DNAJC6: variants seen among roughly 807,000 people sequenced by gnomAD.
DNAJC6 encodes DnaJ heat shock protein family (Hsp40) member C6.
DNAJC6 carries 34 observed loss-of-function variants against 110.0 expected under a neutral mutation model. The observed-to-expected ratio is 0.31, with a 90% CI of 0.24 to 0.41. The LOEUF is 0.41. DNAJC6 is among the 10% of genes least tolerant of loss of function. The pLI, the probability that DNAJC6 is intolerant of heterozygous loss-of-function variation, is 1.00. For synonymous variants in DNAJC6, 406 were observed against 437.2 expected (o/e 0.93, Z 0.89); for missense variants, 1,031 against 1,207.8 (o/e 0.85, Z 2.17).
At chr1:65,290,076 CT>C (rs1271760920) in intron 1 of DNAJC6, among the ~76,000 whole-genome samples, 9 of 152,238 alleles carry the variant, frequency 5.9e-5, no homozygotes, top group African/African-American at 2.2e-4. Flanking sequence ...TCCCAAAGTG[CT>C]GGGATTACTG....
rs1174893063 is a variant in DNAJC6 at position 65,316,707 on chromosome 1, GA to G, written c.193+6770del. On this transcript the variant is annotated intron_variant, in intron 1 of 18. Transcript: ENST00000371069. ...TTTTAACAGAAATGAGGCCAGGTTTGAGAGAAATGTAACTGTTGGTCGAAAG... is the reference window on the plus strand; with the variant it reads ...TTTTAACAGAAATGAGGCCAGGTTTGGAGAAATGTAACTGTTGGTCGAAAG... 9.2e-5 allele frequency among the ~76,000 whole-genome samples: 14 copies of G among 152,210 alleles called. 1 individual carries two copies. The highest frequency in any genetic ancestry group is 2.9e-5 in the Non-Finnish European group (2 of 68,038).
At chr1:65,409,036 T>C (rs1382077153) in intron 17 of DNAJC6, among the ~76,000 whole-genome samples, 1 of 152,114 alleles carries the variant, frequency 6.6e-6, no homozygotes, top group Non-Finnish European at 1.5e-5. Context: ...TCCTGGTTCA[T>C]GGATGGTGGT....
At chr1:65,276,354 C>T (rs915888699) in intron 1 of DNAJC6, among the ~76,000 whole-genome samples, 6 of 152,098 alleles carry the variant, frequency 3.9e-5, no homozygotes, top group African/African-American at 1.4e-4. Context: ...ATATGCCTGG[C>T]AATTTTTTAT....
intron 18 of DNAJC6, among the ~76,000 whole-genome samples, chr1:65,412,190 G>A (rs574995331): frequency 2.0e-4 from 30 of 152,278 alleles, no homozygotes; most frequent in African/African-American, 7.0e-4. Context: ...TTACTACATT[G>A]ATTATGTCAG....
chr1:65,297,696 C>T (rs1644941133), intron 1 of DNAJC6, among the ~76,000 whole-genome samples: 1 of 152,184 alleles, frequency 6.6e-6, no homozygotes, highest in African/African-American at 2.4e-5. Context: ...TTGCCTGAAA[C>T]CAGACTGCCC....
intron 15 of DNAJC6, among the ~76,000 whole-genome samples, chr1:65,402,330 C>A (rs915603802): frequency 6.6e-6 from 1 of 152,184 alleles, no homozygotes; most frequent in Non-Finnish European, 1.5e-5. Context: ...TGGTGCTCTC[C>A]GGTCAATTTG....
chr1:65,335,376 A>G (rs1417857297), intron 1 of DNAJC6, among the ~76,000 whole-genome samples: 1 of 151,842 alleles, frequency 6.6e-6, no homozygotes, highest in Non-Finnish European at 1.5e-5. Flanking sequence ...GACCTCCCAA[A>G]GTGCTGCGAT....
intron 1 of DNAJC6, among the ~76,000 whole-genome samples, chr1:65,353,342 G>T (rs1304637729): frequency 6.6e-6 from 1 of 152,168 alleles, no homozygotes; most frequent in Non-Finnish European, 1.5e-5. Context: ...TGGTCCACAT[G>T]TTGAAGAGTA....
At chr1:65,386,988 C>A (rs200944364) in intron 8 of DNAJC6, 59 bp downstream of exon 8, 50 of 1,389,578 alleles carry the variant, frequency 3.6e-5, no homozygotes, top group Non-Finnish European at 5.0e-5. Context: ...AGGAGTATTT[C>A]TGAATCTTTT....
At chr1:65,275,303 A>T (rs916171909) in intron 1 of DNAJC6, among the ~76,000 whole-genome samples, 6 of 152,180 alleles carry the variant, frequency 3.9e-5, no homozygotes, top group Admixed American at 3.9e-4. Flanking sequence ...TGATCTGGAA[A>T]TGAGTTGATT....
At chr1:65,325,714 C>G (rs1645235742) in intron 1 of DNAJC6, among the ~76,000 whole-genome samples, 1 of 152,180 alleles carries the variant, frequency 6.6e-6, no homozygotes, top group Non-Finnish European at 1.5e-5. Flanking sequence ...CTTAATATAG[C>G]CATACGTTCT....
intron 15 of DNAJC6, among the ~76,000 whole-genome samples, chr1:65,403,702 T>A (rs1346204547): frequency 6.6e-6 from 1 of 152,194 alleles, no homozygotes; most frequent in African/African-American, 2.4e-5. Context: ...AGGACTGCAG[T>A]GGTCTCTGGA....
chr1:65,361,315 T>A (rs1300410810), intron 1 of DNAJC6, among the ~76,000 whole-genome samples: 1 of 152,260 alleles, frequency 6.6e-6, no homozygotes, highest in Non-Finnish European at 1.5e-5. Context: ...TTACCAGTAT[T>A]CAATGTGCTT....
intron 1 of DNAJC6, among the ~76,000 whole-genome samples, chr1:65,325,888 T>A (rs2101433486): frequency 6.6e-6 from 1 of 152,340 alleles, no homozygotes; most frequent in South Asian, 2.1e-4. Flanking sequence ...CTGTAGGCAA[T>A]TATAACACAA....
chr1:65,308,797 G>C (rs957690139), upstream of DNAJC6, among the ~76,000 whole-genome samples: 2 of 152,168 alleles, frequency 1.3e-5, no homozygotes, highest in African/African-American at 4.8e-5. Flanking sequence ...ATCTGAAAAT[G>C]CGTCGGACTT....
intron 1 of DNAJC6, among the ~76,000 whole-genome samples, chr1:65,363,033 G>T (rs1645612756): frequency 6.6e-6 from 1 of 152,142 alleles, no homozygotes; most frequent in South Asian, 2.1e-4. Context: ...CATGACAGAG[G>T]GTGAAGGGGA....
chr1:65,338,824 T>G (rs1278361761), intron 1 of DNAJC6, among the ~76,000 whole-genome samples: 1 of 152,060 alleles, frequency 6.6e-6, no homozygotes, highest in Non-Finnish European at 1.5e-5. Flanking sequence ...GAGAATAGAG[T>G]TGAAGCTAAT....
intron 1 of DNAJC6, among the ~76,000 whole-genome samples, chr1:65,335,046 A>G (rs894415299): frequency 3.9e-5 from 6 of 152,158 alleles, no homozygotes; most frequent in Non-Finnish European, 7.3e-5. Flanking sequence ...GTCAGAATTA[A>G]CAATATGTAT....
intron 1 of DNAJC6, among the ~76,000 whole-genome samples, chr1:65,294,105 C>G (rs957964170): frequency 6.6e-6 from 1 of 152,204 alleles, no homozygotes; most frequent in African/African-American, 2.4e-5. Context: ...TGAAAAGGTT[C>G]AGAGAAAATG....
Sources: allele counts gnomAD v4.1 joint callset (sites outside exome capture counted in the v4.1 genomes callset), GRCh38; gene constraint gnomAD v4.1.1; transcripts MANE v1.5; gene names NCBI Gene and HGNC (gene_info 2026-07-23, HGNC 2026-07-21).